The following CTNNA2 variants were observed in gnomAD, a reference collection of about 807,000 sequenced individuals.
CTNNA2 encodes the protein catenin alpha-2.
CTNNA2 carries 42 observed loss-of-function variants against 101.0 expected under a neutral mutation model. That is an observed-to-expected ratio of 0.42 (90% CI 0.32 to 0.54). The LOEUF is 0.54. CTNNA2 is among the 20% of genes least tolerant of loss of function. The probability of loss-of-function intolerance (pLI) is 0.14; values close to 1 mark genes in which losing one functional copy is unlikely to be tolerated. For synonymous variants in CTNNA2, 450 were observed against 456.4 expected, an observed-to-expected ratio of 0.99 and a Z score of 0.18; for missense variants, 871 against 1,223.1, an observed-to-expected ratio of 0.71 and a Z score of 4.29.
intron 2 of CTNNA2, among the ~76,000 whole-genome samples, chr2:79,699,188 C>T (rs1684831915): frequency 6.6e-6 from 1 of 152,058 alleles, no homozygotes; most frequent in Non-Finnish European, 1.5e-5. Context: ...AAATTAAAAT[C>T]ATAATGAATA....
chr2:80,357,456 G>A (rs193173109), intron 7 of CTNNA2, among the ~76,000 whole-genome samples: 116 of 151,976 alleles, frequency 7.6e-4, no homozygotes, highest in Admixed American at 2.2e-3. Flanking sequence ...AAGTCTTTTC[G>A]ATATCCTCAT....
chr2:80,249,315 A>G (rs930726478), intron 7 of CTNNA2, among the ~76,000 whole-genome samples: 1 of 152,204 alleles, frequency 6.6e-6, no homozygotes, highest in Non-Finnish European at 1.5e-5. Context: ...GGATTACTCA[A>G]CATCACTGAG....
At chr2:80,639,830 C>T (rs183599303) in intron 18 of CTNNA2, among the ~76,000 whole-genome samples, 2,011 of 152,048 alleles carry the variant, frequency 0.013, 15 homozygotes, top group Admixed American at 0.021. Flanking sequence ...CGGCCGGGCG[C>T]GGTGGCTCAC....
chr2:79,608,383 T>A (rs186696929), intron 1 of CTNNA2, among the ~76,000 whole-genome samples: 5 of 152,050 alleles, frequency 3.3e-5, no homozygotes, highest in Non-Finnish European at 5.9e-5. Flanking sequence ...GAATTGAAGA[T>A]AAGGTAGTCA....
chr2:79,812,446 T>C (rs1259637006), intron 3 of CTNNA2, among the ~76,000 whole-genome samples: 1 of 152,150 alleles, frequency 6.6e-6, no homozygotes, highest in Non-Finnish European at 1.5e-5. Flanking sequence ...GAAATGATGT[T>C]AAATATTTTT....
At chr2:79,922,244 T>A (rs929798072) in intron 7 of CTNNA2, among the ~76,000 whole-genome samples, 6 of 152,092 alleles carry the variant, frequency 3.9e-5, no homozygotes, top group African/African-American at 1.2e-4. Flanking sequence ...TTCTTCTTTT[T>A]CCCCCTAAAG....
chr2:80,186,543 C>T (rs1706140789), intron 7 of CTNNA2, among the ~76,000 whole-genome samples: 1 of 152,172 alleles, frequency 6.6e-6, no homozygotes, highest in Admixed American at 6.5e-5. Context: ...TTATTATTAG[C>T]TCATAGTTAA....
Position 80,282,388 on chromosome 2 carries a change from T to C in CTNNA2, c.1057-110823T>C, listed in dbSNP as rs145132612. On this transcript the variant is annotated intron_variant, in intron 7 of 18. Transcript: ENST00000402739. ...TTTTGATGGCCCTTGGCAAAAAATA[T>C]GACAATGTAGGCCTCTCAAGTGAAA... Among the ~76,000 whole-genome samples, 1,081 of 152,234 alleles carry C rather than the reference T, an allele frequency of 7.1e-3. 5 individuals are homozygous for C. The highest frequency in any genetic ancestry group is 9.5e-3 in the Non-Finnish European group (647 of 68,004).
chr2:80,321,731 G>A (rs183430715), intron 7 of CTNNA2, among the ~76,000 whole-genome samples: 8 of 152,262 alleles, frequency 5.3e-5, no homozygotes, highest in Non-Finnish European at 8.8e-5. Flanking sequence ...ATGCATGCAC[G>A]CATGTACTTG....
intron 7 of CTNNA2, among the ~76,000 whole-genome samples, chr2:80,146,742 T>TTG (rs1703371388): frequency 8.7e-6 from 1 of 114,340 alleles, no homozygotes; most frequent in Admixed American, 8.5e-5. Flanking sequence ...TTTTTTTTTT[T>TTG]GAGACAGAGT....
chr2:80,180,352 C>T (rs1287701499), intron 7 of CTNNA2, among the ~76,000 whole-genome samples: 1 of 152,104 alleles, frequency 6.6e-6, no homozygotes, highest in African/African-American at 2.4e-5. Context: ...AGTTTTCTGC[C>T]TATATAAATT....
chr2:79,554,980 C>A (rs1674353646), intron 1 of CTNNA2, among the ~76,000 whole-genome samples: 1 of 152,138 alleles, frequency 6.6e-6, no homozygotes, highest in Admixed American at 6.6e-5. Flanking sequence ...TGCATTTGCT[C>A]ATTTTCAAGA....
At chr2:79,280,131 G>A (rs898230916) in intron 2 of CTNNA2, among the ~76,000 whole-genome samples, 1 of 152,106 alleles carries the variant, frequency 6.6e-6, no homozygotes, top group African/African-American at 2.4e-5. Context: ...CCGTCAATTT[G>A]TCAAGGGATA....
intron 2 of CTNNA2, among the ~76,000 whole-genome samples, chr2:79,245,581 C>T (rs1674689449): frequency 6.6e-6 from 1 of 152,204 alleles, no homozygotes. Context: ...AGGAATCATG[C>T]AAGGACTCAC....
intron 4 of CTNNA2, among the ~76,000 whole-genome samples, chr2:79,423,012 C>T (rs903673278): frequency 6.6e-6 from 1 of 152,106 alleles, no homozygotes; most frequent in Non-Finnish European, 1.5e-5. Flanking sequence ...GTTTGACTCT[C>T]CTTTGTTGAA....
chr2:79,904,923 A>G (rs1411825265), intron 6 of CTNNA2, among the ~76,000 whole-genome samples: 2 of 152,230 alleles, frequency 1.3e-5, no homozygotes, highest in Non-Finnish European at 2.9e-5. Flanking sequence ...TATTCTGGGA[A>G]GTAGTTTCGA....
At chr2:80,397,199 A>G (rs866448298) in intron 8 of CTNNA2, among the ~76,000 whole-genome samples, 2 of 152,348 alleles carry the variant, frequency 1.3e-5, no homozygotes, top group African/African-American at 2.4e-5. Context: ...AACAGTTACC[A>G]TGGAGAGCTT....
intron 2 of CTNNA2, among the ~76,000 whole-genome samples, chr2:79,664,780 C>T (rs1165439102): frequency 2.9e-5 from 4 of 138,194 alleles, no homozygotes; most frequent in Non-Finnish European, 6.0e-5. Context: ...GGCGCGATCT[C>T]GGCTCACTGC....
chr2:80,303,082 G>T lies in CTNNA2; in HGVS notation c.1057-90129G>T. 6.2e-7 allele frequency: 1 copy of T among 1,614,034 alleles called. No individual in the cohort carries two copies. Among genetic ancestry groups the T allele is most frequent in the Admixed American group, 1.7e-5 (1 of 60,004 alleles). ...CCCAGTCCAGCGAGCTGACCACAAT[G>T]GCCACCTTGTTCCTCCGCAGGCAGA... On this transcript the variant is annotated intron_variant, in intron 7 of 18. Coordinates refer to ENST00000402739, the MANE Select transcript of CTNNA2 (RefSeq NM_001282597.3). This position sits in a 1 kb window ranked among gnomAD's most constrained non-coding sequence, Gnocchi z 7.7.
Sources: allele counts gnomAD v4.1 joint callset (sites outside exome capture counted in the v4.1 genomes callset), GRCh38; gene constraint gnomAD v4.1.1; non-coding constraint Gnocchi (gnomAD v3.1); transcripts MANE v1.5; gene names NCBI Gene and HGNC (gene_info 2026-07-23, HGNC 2026-07-21).